The following PGBD5 variants were observed in gnomAD, a reference collection of about 807,000 sequenced individuals.
PGBD5 encodes the protein piggyBac transposable element derived 5.
In PGBD5, 14 loss-of-function variants were observed where a neutral mutation model predicts 47.9. That is an observed-to-expected ratio of 0.29 (90% CI 0.19 to 0.46). The LOEUF (loss-of-function observed/expected upper bound fraction) is 0.46, where lower values mean the gene tolerates loss of function less well. Among genes scored for constraint, PGBD5 ranks in the 20% least tolerant of loss-of-function variants. The probability of loss-of-function intolerance (pLI) is 1.00; values close to 1 mark genes in which losing one functional copy is unlikely to be tolerated. For synonymous variants in PGBD5, 316 were observed against 306.3 expected, an observed-to-expected ratio of 1.03 and a Z score of -0.33; for missense variants, 635 against 716.0, an observed-to-expected ratio of 0.89 and a Z score of 1.29.
chr1:230,422,412 A>G (rs2102757105), intron 1 of PGBD5, among the ~76,000 whole-genome samples: 1 of 152,238 alleles, frequency 6.6e-6, no homozygotes, highest in Non-Finnish European at 1.5e-5. Flanking sequence ...CACAGTGGGC[A>G]GGCAGGCTGA....
At chr1:230,388,765 C>G (rs972817707) in intron 1 of PGBD5, among the ~76,000 whole-genome samples, 2 of 152,220 alleles carry the variant, frequency 1.3e-5, no homozygotes, top group African/African-American at 4.8e-5. Flanking sequence ...GAGGGTGAGG[C>G]TGGGAGCCTG....
chr1:230,366,436 G>A (rs1241853300), intron 1 of PGBD5, among the ~76,000 whole-genome samples: 1 of 152,014 alleles, frequency 6.6e-6, no homozygotes, highest in African/African-American at 2.4e-5. Context: ...TTTTTTCACT[G>A]GTAACTTGCC....
chr1:230,329,122 T>TTG (rs767483474), intron 5 of PGBD5, among the ~76,000 whole-genome samples: 6 of 150,566 alleles, frequency 4.0e-5, no homozygotes, highest in East Asian at 2.0e-4. Context: ...AATTTTTTTT[T>TTG]GGGGGGGGAG....
chr1:230,353,634 G>A (rs537793552), intron 2 of PGBD5, among the ~76,000 whole-genome samples: 8 of 152,140 alleles, frequency 5.3e-5, no homozygotes, highest in Non-Finnish European at 8.8e-5. Flanking sequence ...TGTAAGGGAC[G>A]GGTGCAGAGT....
At chr1:230,393,575 C>G (rs1288874233) in intron 1 of PGBD5, among the ~76,000 whole-genome samples, 1 of 152,104 alleles carries the variant, frequency 6.6e-6, no homozygotes, top group Non-Finnish European at 1.5e-5. Flanking sequence ...CGGTGGCTCA[C>G]GCCTGTAATC....
chr1:230,355,657 A>G (rs1277341769), intron 2 of PGBD5, among the ~76,000 whole-genome samples: 1 of 152,230 alleles, frequency 6.6e-6, no homozygotes, highest in Non-Finnish European at 1.5e-5. Flanking sequence ...GATGAGGCGC[A>G]GTGGCATCTG....
chr1:230,374,341 C>T (rs1487623546), intron 1 of PGBD5, among the ~76,000 whole-genome samples: 4 of 152,104 alleles, frequency 2.6e-5, no homozygotes, highest in Non-Finnish European at 5.9e-5. Flanking sequence ...TGCTTGAACC[C>T]GGGTGGCAGA....
chr1:230,316,065 T>C lies in PGBD5; in HGVS notation c.*7360A>G, dbSNP rs1390175133. The stretch of plus-strand genomic sequence containing the variant: ...ATATGTGTACACATATATGTATGTG[T>C]ATACATACATGTTTATGTGTATACA... On this transcript the variant is annotated 3_prime_UTR_variant, in exon 7 of 7. Coordinates refer to ENST00000391860, the MANE Select transcript of PGBD5 (RefSeq NM_001258311.2). The C allele has an allele frequency of 1.5e-5, 2 of 135,184 alleles. No homozygotes were observed. The highest frequency in any genetic ancestry group is 5.4e-5 in the African/African-American group (2 of 36,840). The allele number at this position is 135,184 out of a possible 1,614,324, so 8.4% of individuals were successfully genotyped here.
chr1:230,386,894 G>C (rs1403157373), intron 1 of PGBD5, among the ~76,000 whole-genome samples: 1 of 152,150 alleles, frequency 6.6e-6, no homozygotes, highest in Non-Finnish European at 1.5e-5. Flanking sequence ...CTGAATTAGG[G>C]GAATATATAT....
At chr1:230,379,047 C>T (rs1485481084) in intron 1 of PGBD5, among the ~76,000 whole-genome samples, 2 of 152,154 alleles carry the variant, frequency 1.3e-5, no homozygotes, top group East Asian at 1.9e-4. Flanking sequence ...TAAGGGAACC[C>T]ATCTGATGCC....
chr1:230,420,488 C>T (rs970700476), intron 1 of PGBD5, among the ~76,000 whole-genome samples: 39 of 152,136 alleles, frequency 2.6e-4, no homozygotes, highest in Non-Finnish European at 4.4e-4. Flanking sequence ...TGTAATAATC[C>T]CCATGTGTCA....
intron 1 of PGBD5, among the ~76,000 whole-genome samples, chr1:230,370,822 G>A (rs1279375842): frequency 2.6e-5 from 4 of 152,184 alleles, no homozygotes; most frequent in Non-Finnish European, 5.9e-5. Context: ...GAAATGGCAC[G>A]GAAAGCCAAG....
intron 1 of PGBD5, among the ~76,000 whole-genome samples, chr1:230,399,419 G>T (rs1482825645): frequency 6.6e-6 from 1 of 152,180 alleles, no homozygotes; most frequent in Non-Finnish European, 1.5e-5. Flanking sequence ...CTGGAGAGCT[G>T]ATCCCCACAG....
chr1:230,328,138 A>G (rs1372846088), intron 5 of PGBD5, among the ~76,000 whole-genome samples: 1 of 152,144 alleles, frequency 6.6e-6, no homozygotes, highest in Non-Finnish European at 1.5e-5. Context: ...ACCCGTCCCC[A>G]TAGCCACCGA....
intron 1 of PGBD5, among the ~76,000 whole-genome samples, chr1:230,380,935 C>T (rs1571849897): frequency 2.0e-5 from 3 of 152,346 alleles, no homozygotes; most frequent in Admixed American, 6.5e-5. Flanking sequence ...GAGTGCTAGG[C>T]CCTGTGGACA....
At chr1:230,387,487 C>T (rs923167598) in intron 1 of PGBD5, among the ~76,000 whole-genome samples, 1 of 152,236 alleles carries the variant, frequency 6.6e-6, no homozygotes, top group Non-Finnish European at 1.5e-5. Context: ...GCATACCCAG[C>T]ATCCAGGAGG....
intron 2 of PGBD5, among the ~76,000 whole-genome samples, chr1:230,354,237 C>T (rs1049430326): frequency 6.6e-6 from 1 of 152,206 alleles, no homozygotes; most frequent in Non-Finnish European, 1.5e-5. Context: ...CAACAGGCTG[C>T]GTGGCACCAG....
chr1:230,404,546 G>T (rs1240283374), intron 1 of PGBD5, among the ~76,000 whole-genome samples: 2 of 150,446 alleles, frequency 1.3e-5, no homozygotes, highest in Non-Finnish European at 3.0e-5. Context: ...GGAGGCTGAG[G>T]CTGCAGTGGG....
In PGBD5 at chr1:230,351,013, T is replaced by C. The variant is rs1304698900; in HGVS notation, c.839A>G (p.Lys280Arg). 1 of 1,614,104 alleles carries C rather than the reference T, an allele frequency of 6.2e-7. No individual in the cohort carries two copies. The highest frequency in any genetic ancestry group is 1.7e-5 in the Admixed American group (1 of 60,006). ...TCTGACCCAGAGGCTGAATTTCCGC[T>C]TTTTCCTCTTTCGCAGCTCCCGCTC... ...CTERELRKRK[K>R]RKFSLWVRQC... The change falls in exon 3 of 7, where the codon AAG (lysine) becomes AGG (arginine). Residue 280 changes from lysine (K) to arginine (R), a missense_variant. Physicochemically the swap from Lys to Arg is conservative, Grantham distance 26. Transcript: ENST00000391860.
Sources: allele counts gnomAD v4.1 joint callset (sites outside exome capture counted in the v4.1 genomes callset), GRCh38; gene constraint gnomAD v4.1.1; transcripts MANE v1.5; gene names NCBI Gene and HGNC (gene_info 2026-07-23, HGNC 2026-07-21).